Variants in WDR11 observed in about 807,000 individuals in gnomAD.
The protein encoded by WDR11 is WD repeat-containing protein 11.
WDR11 carries 83 observed loss-of-function variants against 151.2 expected under a neutral mutation model. That is an observed-to-expected ratio of 0.55 (90% CI 0.46 to 0.66). The LOEUF (loss-of-function observed/expected upper bound fraction) is 0.66. WDR11 is among the 30% of genes least tolerant of loss of function. The pLI, the probability that WDR11 is intolerant of heterozygous loss-of-function variation, is 0.00. For missense variants in WDR11, 1,301 were observed against 1,480.9 expected (o/e 0.88, Z 1.99); for synonymous variants, 484 against 533.1 (o/e 0.91, Z 1.27).
chr10:120,889,568 T>C, intron 17 of WDR11: 1 of 421,250 alleles, frequency 2.4e-6, no homozygotes, highest in East Asian at 5.2e-5. Flanking sequence ...ATGGTTCCAT[T>C]AGAGGCTTGT....
rs765961412 is a variant in WDR11 at position 120,880,781 on chromosome 10, T to C, written c.1664-45T>C. 5.3e-6 allele frequency: 8 copies of C among 1,515,774 alleles called. No homozygotes were observed. The Admixed American group carries it at 1.1e-4, about 21-fold the overall frequency. The allele number at this position is 1,515,774 out of a possible 1,614,324, so 93.9% of individuals were successfully genotyped here. On this transcript the variant is annotated intron_variant, in intron 12 of 28. Transcript: ENST00000263461. ...GGCGTGGCTTCTTGTTTTTCATACA[T>C]GTTTTATGCACTGTTCTCACTTTTT... is the stretch of plus-strand genomic sequence containing the variant.
chr10:120,907,151 G>T, intron 28 of WDR11: 1 of 376,618 alleles, frequency 2.7e-6, no homozygotes, highest in Non-Finnish European at 5.0e-6. Flanking sequence ...ATGAAGGAAT[G>T]ATTTGGGAAA....
At chr10:120,878,254 A>G in intron 11 of WDR11, 99 bp from the exon 12 acceptor site, 1 of 870,224 alleles carries the variant, frequency 1.1e-6, no homozygotes, top group Non-Finnish European at 1.8e-6. Flanking sequence ...TAATTTGTGT[A>G]ATAAAATTTA....
At position 120,865,629 on chromosome 10, in the gene WDR11, G is replaced by A. The variant is rs755698860; in HGVS notation, c.880-1G>A. On this transcript the variant is annotated splice_acceptor_variant, in intron 6 of 28. Coordinates refer to ENST00000263461, the MANE Select transcript of WDR11 (RefSeq NM_018117.12). LOFTEE classifies it high-confidence loss of function. Reference sequence around the variant, plus strand: ...AAAATAAATATATCATCTATTTAAAGGTAATACCCTGCTTTCAGCGTGATG... The same window carrying A: ...AAAATAAATATATCATCTATTTAAAAGTAATACCCTGCTTTCAGCGTGATG... The A allele has an allele frequency of 6.3e-7, 1 of 1,592,410 alleles. No individual in the cohort carries two copies. The highest frequency in any genetic ancestry group is 8.6e-7 in the Non-Finnish European group (1 of 1,163,176).
chr10:120,891,338 A>G lies in WDR11; in HGVS notation c.2515+451A>G, dbSNP rs569396518. Among the ~76,000 whole-genome samples, 8 of 152,312 alleles carry G rather than the reference A, an allele frequency of 5.3e-5. No individual in the cohort carries two copies. The South Asian group carries it at 1.5e-3, about 28-fold the overall frequency. On this transcript the variant is annotated intron_variant, in intron 19 of 28. Transcript: ENST00000263461. The stretch of plus-strand genomic sequence containing the variant: ...TGAATTTTGATGCCAATCTGTGACT[A>G]GTAAAATGACCAGTCAAGCAAATTA...
intron 9 of WDR11, 116 bp from the exon 10 acceptor site, chr10:120,871,054 C>A: frequency 9.4e-7 from 1 of 1,060,272 alleles, no homozygotes. Context: ...TAAAGTACTA[C>A]ATTAACTACA....
Position 120,904,047 on chromosome 10 carries a change from A to C in WDR11, c.2932A>C (p.Lys978Gln), listed in dbSNP as rs144531702. ...ATTTTTCTTTTTTTTCCAATTCTAG[A>C]AATTTCAGCTAGAAAGGGTTAATCT... ...DVLCENAYFQKFQLERVNLQE... is the reference protein window; with the variant it reads ...DVLCENAYFQQFQLERVNLQE... Residue 978 changes from lysine to glutamine, a missense_variant and splice_region_variant, in exon 24 of 29, where the codon AAA becomes CAA. Lys to Gln is a moderately conservative substitution (Grantham distance 53, BLOSUM62 1). Coordinates refer to ENST00000263461, the MANE Select transcript of WDR11 (RefSeq NM_018117.12). The C allele has an allele frequency of 1.3e-4, 206 of 1,605,638 alleles. No homozygotes were observed. The Middle Eastern group carries it at 1.3e-3, about 10-fold the overall frequency.
rs996544618 is a variant in WDR11, at chr10:120,889,319, G to T, written c.2228+135G>T. ...GTGGTGCAATCTCGGCTCACTGCAA[G>T]CTCTGACTCCCGGGTTCATGCCATT... On this transcript the variant is annotated intron_variant, in intron 17 of 28. Coordinates refer to ENST00000263461, the MANE Select transcript of WDR11 (RefSeq NM_018117.12). 3 of 681,254 alleles carry T rather than the reference G, an allele frequency of 4.4e-6. No individual in the cohort carries two copies. The Admixed American group carries it at 6.4e-5, about 15-fold the overall frequency. The allele number at this position is 681,254 out of a possible 1,614,324, so 42.2% of individuals were successfully genotyped here.
intron 7 of WDR11, 132 bp from the exon 8 acceptor site, chr10:120,866,437 T>G (rs1357948600): frequency 2.1e-6 from 2 of 974,126 alleles, no homozygotes; most frequent in African/African-American, 1.6e-5. Context: ...TTGTAAAAAG[T>G]GAAGCCATGC....
At chr10:120,853,192 A>G (rs1845839249) in intron 2 of WDR11, among the ~76,000 whole-genome samples, 1 of 152,170 alleles carries the variant, frequency 6.6e-6, no homozygotes, top group Non-Finnish European at 1.5e-5. Context: ...GGACACTTGT[A>G]GGAGTGATGA....
chr10:120,905,092 A>G (rs923282102), intron 25 of WDR11, among the ~76,000 whole-genome samples: 2 of 152,208 alleles, frequency 1.3e-5, no homozygotes, highest in African/African-American at 4.8e-5. Flanking sequence ...TGAGAGAACT[A>G]TGCTCTCCCT....
In WDR11 at chr10:120,860,181, T is replaced by C. The variant is rs1205107422; in HGVS notation, c.425T>C (p.Val142Ala). Residue 142 changes from valine (V) to alanine (A), a missense_variant, in exon 4 of 29, where the codon GTG becomes GCG. Transcript: ENST00000263461. ...GCTATCCACCCGCCAAATTACATTGTGCTCTGGAATGCCGACACTGGCACC... is the reference window on the plus strand; with the variant it reads ...GCTATCCACCCGCCAAATTACATTGCGCTCTGGAATGCCGACACTGGCACC... ...LLAIHPPNYI[V>A]LWNADTGTKL... 1.2e-6 allele frequency: 2 copies of C among 1,614,204 alleles called. No homozygotes were observed. Among genetic ancestry groups the C allele is most frequent in the Admixed American group, 1.7e-5 (1 of 60,024 alleles).
rs1214258082 is a variant in WDR11 at position 120,889,882 on chromosome 10, T to G, written c.2229-13T>G. On this transcript the variant is annotated splice_polypyrimidine_tract_variant and intron_variant, in intron 17 of 28. Transcript: ENST00000263461. Reference sequence around the variant, plus strand: ...TCTACATTGTATTGATGTTTTTGTTTCTTTGTCTTCAGAGGAATACCCACA... The same window carrying G: ...TCTACATTGTATTGATGTTTTTGTTGCTTTGTCTTCAGAGGAATACCCACA... 1.3e-6 allele frequency: 2 copies of G among 1,588,992 alleles called. No individual in the cohort carries two copies. The highest frequency in any genetic ancestry group is 1.7e-5 in the Admixed American group (1 of 59,952).
At chr10:120,899,859 C>A in intron 19 of WDR11, 170 bp from the exon 20 acceptor site, 1 of 634,158 alleles carries the variant, frequency 1.6e-6, no homozygotes, top group Non-Finnish European at 2.8e-6. Flanking sequence ...CAGAGACTCT[C>A]TCTGCTCTTG....
chr10:120,888,978 TA>T, intron 16 of WDR11, 99 bp from the exon 17 acceptor site: 1 of 912,816 alleles, frequency 1.1e-6, no homozygotes. Flanking sequence ...AAAAGCATAC[TA>T]AAGCACAGCC....
Position 120,897,921 on chromosome 10 carries a change from A to G in WDR11, c.2516-2108A>G, listed in dbSNP as rs553039882. On this transcript the variant is annotated intron_variant, in intron 19 of 28. Coordinates refer to ENST00000263461, the MANE Select transcript of WDR11 (RefSeq NM_018117.12). The stretch of plus-strand genomic sequence containing the variant: ...AAAAGTATTATTAAAAATATTTCCA[A>G]TCACTTTCTGGCTTTTAAATTGAAA... Among the ~76,000 whole-genome samples, 9 of 152,336 alleles carry G rather than the reference A, an allele frequency of 5.9e-5. 1 individual carries two copies. The highest frequency in any genetic ancestry group is 5.8e-4 in the East Asian group (3 of 5,188).
At chr10:120,900,166 A>T (rs1400253922) in intron 20 of WDR11, 29 bp downstream of exon 20, 4 of 1,579,254 alleles carry the variant, frequency 2.5e-6, no homozygotes, top group Admixed American at 1.7e-5. Flanking sequence ...TTTTTCTTTC[A>T]TAATTTACTT....
At chr10:120,906,646 A>G in intron 27 of WDR11, 130 bp from the exon 28 acceptor site, 1 of 1,559,598 alleles carries the variant, frequency 6.4e-7, no homozygotes, top group East Asian at 2.4e-5. Context: ...GGCTTAGAAA[A>G]GTGCTTGTAT....
rs1465517075 is a variant in WDR11 at position 120,862,619 on chromosome 10, T to G, written c.527-116T>G. The G allele has an allele frequency of 3.7e-6, 4 of 1,070,938 alleles. No individual in the cohort carries two copies. In the East Asian group the frequency reaches 9.5e-5, roughly 25 times the overall value. 66.3% of individuals were successfully genotyped at this position (1,070,938 alleles called of 1,614,324 possible). On this transcript the variant is annotated intron_variant, in intron 4 of 28. Coordinates refer to ENST00000263461, the MANE Select transcript of WDR11 (RefSeq NM_018117.12). ...CCCATTATGTTATGAATGCATAACATTGCCAGTTATATATTATTAAAATTA... is the reference window on the plus strand; with the variant it reads ...CCCATTATGTTATGAATGCATAACAGTGCCAGTTATATATTATTAAAATTA...
Sources: allele counts gnomAD v4.1 joint callset (sites outside exome capture counted in the v4.1 genomes callset), GRCh38; gene constraint gnomAD v4.1.1; transcripts MANE v1.5; gene names NCBI Gene and HGNC (gene_info 2026-07-23, HGNC 2026-07-21).